PCDHGA2: variants seen among roughly 807,000 people sequenced by gnomAD.
PCDHGA2 encodes protocadherin gamma-A2.
Under a neutral mutation model 59.2 loss-of-function variants are expected in PCDHGA2, and 40 were observed. The observed-to-expected ratio is 0.68, with a 90% CI of 0.52 to 0.88. The LOEUF (loss-of-function observed/expected upper bound fraction) is 0.88. Ranked by LOEUF, PCDHGA2 falls within the 40% of genes least tolerant of loss-of-function variation. The pLI is 0.00. For synonymous variants in PCDHGA2, 560 were observed against 526.0 expected, an observed-to-expected ratio of 1.06 and a Z score of -0.89; for missense variants, 1,226 against 1,204.0, an observed-to-expected ratio of 1.02 and a Z score of -0.27.
rs762996346 is a variant in PCDHGA2, at chr5:141,365,922, G to A, written c.2424+24527G>A. The A allele has an allele frequency of 1.9e-6, 3 of 1,614,196 alleles. No homozygotes were observed. In the Admixed American group the frequency reaches 5.0e-5, roughly 27 times the overall value. The stretch of plus-strand genomic sequence containing the variant: ...GAGCAGTTGAGAGACCTACAGTTGT[G>A]GGTGACAGCCAGCGACAGTGGGAAC... On this transcript the variant is annotated intron_variant, in intron 1 of 3. Coordinates refer to ENST00000394576, the MANE Select transcript of PCDHGA2 (RefSeq NM_018915.4).
chr5:141,402,843 G>C (rs1370040306), intron 1 of PCDHGA2: 5 of 1,399,114 alleles, frequency 3.6e-6, no homozygotes, highest in Non-Finnish European at 4.7e-6. Flanking sequence ...GCAAAACTCA[G>C]CCTCTTTCTT....
intron 1 of PCDHGA2, chr5:141,356,428 C>A: frequency 6.8e-6 from 11 of 1,608,476 alleles, no homozygotes; most frequent in Non-Finnish European, 8.5e-6. Flanking sequence ...ACACAGAACA[C>A]TGGACAGGGA....
chr5:141,347,903 G>A (rs1758036898), intron 1 of PCDHGA2, among the ~76,000 whole-genome samples: 1 of 152,162 alleles, frequency 6.6e-6, no homozygotes, highest in Non-Finnish European at 1.5e-5. Flanking sequence ...TTGCCTGAGG[G>A]TGGAAAGCTC....
intron 1 of PCDHGA2, chr5:141,376,546 T>TC (rs1388461293): frequency 6.2e-7 from 1 of 1,612,610 alleles, no homozygotes; most frequent in Non-Finnish European, 8.5e-7. Context: ...AGTAATCTGA[T>TC]CTTCCCGCAA....
In PCDHGA2 at chr5:141,376,166, G is replaced by A. The variant is rs753856036; in HGVS notation, c.2424+34771G>A. Reference sequence around the variant, plus strand: ...TTCGGACCTCACTCTGTACCTGGTGGTGGCGGTGGCCGCGGTCTCCTGCGT... The same window carrying A: ...TTCGGACCTCACTCTGTACCTGGTGATGGCGGTGGCCGCGGTCTCCTGCGT... On this transcript the variant is annotated intron_variant, in intron 1 of 3. Transcript: ENST00000394576. The A allele has an allele frequency of 3.3e-5, 53 of 1,614,094 alleles. 1 individual carries two copies. The South Asian group carries it at 5.3e-4, about 16-fold the overall frequency.
chr5:141,353,526 A>G (rs1471776708), intron 1 of PCDHGA2, among the ~76,000 whole-genome samples: 1 of 152,194 alleles, frequency 6.6e-6, no homozygotes, highest in Non-Finnish European at 1.5e-5. Context: ...CCAATTTTAT[A>G]TTTGCATCAC....
At chr5:141,422,721 G>A in intron 1 of PCDHGA2, 1 of 1,605,664 alleles carries the variant, frequency 6.2e-7, no homozygotes, top group East Asian at 2.2e-5. Flanking sequence ...ACACTGTCCA[G>A]GGGGTGCCTC....
intron 1 of PCDHGA2, among the ~76,000 whole-genome samples, chr5:141,455,133 CTG>C (rs2098814252): frequency 6.6e-6 from 1 of 151,392 alleles, no homozygotes; most frequent in African/African-American, 2.4e-5. Flanking sequence ...TTAAATTACA[CTG>C]TGTTAAATAA....
At position 141,505,908 on chromosome 5, in the gene PCDHGA2, T is replaced by C. The variant is rs114551975; in HGVS notation, c.2572+427T>C. On this transcript the variant is annotated intron_variant, in intron 3 of 3. Coordinates refer to ENST00000394576, the MANE Select transcript of PCDHGA2 (RefSeq NM_018915.4). ...TTAAATGAGATGATACCACAAAGCATAGAGTTCTGGGCCTGGCGCTTGGAA... is the reference window on the plus strand; with the variant it reads ...TTAAATGAGATGATACCACAAAGCACAGAGTTCTGGGCCTGGCGCTTGGAA... 4.0e-3 allele frequency among the ~76,000 whole-genome samples: 608 copies of C among 152,218 alleles called. 3 individuals are homozygous for C. The highest frequency in any genetic ancestry group is 0.013 in the African/African-American group (551 of 41,540).
chr5:141,399,356 A>G, intron 1 of PCDHGA2: 1 of 1,614,010 alleles, frequency 6.2e-7, no homozygotes, highest in Non-Finnish European at 8.5e-7. Flanking sequence ...GACCGAGAGC[A>G]AACCCCGGAG....
chr5:141,389,058 A>G, intron 1 of PCDHGA2: 2 of 1,614,020 alleles, frequency 1.2e-6, no homozygotes, highest in Non-Finnish European at 1.7e-6. Flanking sequence ...TCCATTTAAA[A>G]TATTAACTTC....
intron 1 of PCDHGA2, chr5:141,371,961 G>T (rs532361069): frequency 3.1e-6 from 5 of 1,613,240 alleles, no homozygotes; most frequent in Admixed American, 1.7e-5. Flanking sequence ...CTTCGACCAC[G>T]AGCAGCTGCG....
intron 1 of PCDHGA2, chr5:141,394,024 T>C (rs778553318): frequency 6.2e-7 from 1 of 1,613,530 alleles, no homozygotes; most frequent in Non-Finnish European, 8.5e-7. Flanking sequence ...TATTATAGAT[T>C]AGTGACAAGG....
rs760316359 is a variant in PCDHGA2 at position 141,360,511 on chromosome 5, A to G, written c.2424+19116A>G. On this transcript the variant is annotated intron_variant, in intron 1 of 3. Coordinates refer to ENST00000394576, the MANE Select transcript of PCDHGA2 (RefSeq NM_018915.4). Reference sequence around the variant, plus strand: ...CTACATAGCAGTAATTGTGCAGGATATAAATGATAATACCCCGCTATTCAA... The same window carrying G: ...CTACATAGCAGTAATTGTGCAGGATGTAAATGATAATACCCCGCTATTCAA... 5.6e-6 allele frequency: 9 copies of G among 1,613,906 alleles called. No individual in the cohort carries two copies. In the East Asian group the frequency reaches 1.1e-4, roughly 20 times the overall value.
intron 1 of PCDHGA2, chr5:141,428,219 T>C (rs749413221): frequency 8.4e-7 from 1 of 1,195,778 alleles, no homozygotes. Context: ...CACCTAGTCT[T>C]CGCAGACAGC....
chr5:141,370,188 T>C, intron 1 of PCDHGA2: 1 of 511,926 alleles, frequency 2.0e-6, no homozygotes, highest in South Asian at 4.0e-5. Context: ...CGCTCTTGGC[T>C]AGTGCTGTGC....
intron 1 of PCDHGA2, among the ~76,000 whole-genome samples, chr5:141,435,105 G>C (rs1046201852): frequency 2.6e-5 from 4 of 151,940 alleles, no homozygotes; most frequent in African/African-American, 9.7e-5. Flanking sequence ...TATCTAGGGG[G>C]GAGAAATCTA....
At chr5:141,470,599 C>T (rs967683467) in intron 1 of PCDHGA2, among the ~76,000 whole-genome samples, 12 of 152,194 alleles carry the variant, frequency 7.9e-5, no homozygotes, top group Non-Finnish European at 1.2e-4. Context: ...GCGACCTGTG[C>T]GGGGACACAG....
At chr5:141,365,346 A>C (rs2149875174) in intron 1 of PCDHGA2, 1 of 1,613,970 alleles carries the variant, frequency 6.2e-7, no homozygotes, top group East Asian at 2.2e-5. Flanking sequence ...ACAGTACAGG[A>C]CGTGAATGAC....
Sources: gnomAD v4.1 joint callset for allele counts (sites outside exome capture counted in the v4.1 genomes callset) on GRCh38, gnomAD v4.1.1 for gene constraint, MANE v1.5 for transcripts, NCBI Gene and HGNC (gene_info 2026-07-23, HGNC 2026-07-21) for gene names.